The following OSMR variants were observed in gnomAD, a reference collection of about 807,000 sequenced individuals.
OSMR encodes the protein oncostatin-M-specific receptor subunit beta.
In OSMR, 81 loss-of-function variants were observed where a neutral mutation model predicts 99.9. The observed-to-expected ratio is 0.81, with a 90% confidence interval of 0.68 to 0.97. The LOEUF is 0.97. OSMR is among the 50% of genes least tolerant of loss of function. The pLI is 0.00. For synonymous variants in OSMR, 406 were observed against 410.4 expected (o/e 0.99, Z 0.13); for missense variants, 1,099 against 1,153.4 (o/e 0.95, Z 0.68).
At chr5:38,881,485 G>A (rs1362543892) in intron 3 of OSMR, 108 bp from the exon 4 acceptor site, 18 of 1,602,464 alleles carry the variant, frequency 1.1e-5, no homozygotes, top group South Asian at 1.0e-4. Flanking sequence ...GGCACATATC[G>A]TGGACCTGCA....
intron 1 of OSMR, among the ~76,000 whole-genome samples, chr5:38,865,875 G>A (rs1341274728): frequency 4.6e-5 from 7 of 152,248 alleles, no homozygotes; most frequent in African/African-American, 1.7e-4. Context: ...CAGCACACAT[G>A]AGTGCTGGTG....
At chr5:38,900,744 A>G (rs1744835701) in intron 7 of OSMR, among the ~76,000 whole-genome samples, 1 of 149,480 alleles carries the variant, frequency 6.7e-6, no homozygotes, top group South Asian at 2.1e-4. Context: ...GTTGCTGGAC[A>G]GATGTCCTTG....
intron 9 of OSMR, among the ~76,000 whole-genome samples, chr5:38,913,505 G>A (rs1745718986): frequency 6.6e-6 from 1 of 150,756 alleles, no homozygotes; most frequent in Non-Finnish European, 1.5e-5. Flanking sequence ...AGCAGAGGTC[G>A]TGCCACTGCA....
intron 2 of OSMR, among the ~76,000 whole-genome samples, chr5:38,874,328 A>T (rs1030294109): frequency 2.0e-5 from 3 of 152,180 alleles, no homozygotes; most frequent in Non-Finnish European, 4.4e-5. Flanking sequence ...GATTATAGTT[A>T]TCACCCTAGC....
intron 9 of OSMR, among the ~76,000 whole-genome samples, chr5:38,905,305 A>G (rs1002982202): frequency 6.6e-6 from 1 of 152,104 alleles, no homozygotes; most frequent in Non-Finnish European, 1.5e-5. Context: ...CCTGACCAAC[A>G]TGGTGAAACC....
chr5:38,911,445 C>T (rs1745575178), intron 9 of OSMR, among the ~76,000 whole-genome samples: 1 of 152,082 alleles, frequency 6.6e-6, no homozygotes, highest in Non-Finnish European at 1.5e-5. Flanking sequence ...CCAGAGAAAG[C>T]CCAGGACCAG....
intron 3 of OSMR, among the ~76,000 whole-genome samples, chr5:38,878,009 ACACC>A (rs1742976780): frequency 6.6e-6 from 1 of 152,118 alleles, no homozygotes; most frequent in East Asian, 1.9e-4. Flanking sequence ...TGTCCTCACA[ACACC>A]CAACCCAGCC....
At chr5:38,903,850 A>T (rs1561385976) in intron 7 of OSMR, 32 bp from the exon 8 acceptor site, 1 of 1,595,128 alleles carries the variant, frequency 6.3e-7, no homozygotes, top group Non-Finnish European at 8.6e-7. Flanking sequence ...CTATGCTTGA[A>T]TTTTTTTGTT....
chr5:38,882,898 G>A (rs148057492), intron 4 of OSMR, among the ~76,000 whole-genome samples: 269 of 152,274 alleles, frequency 1.8e-3, no homozygotes, highest in African/African-American at 4.5e-3. Flanking sequence ...AGGTCACCAC[G>A]CCACTAAGTG....
In OSMR at chr5:38,918,940, C is replaced by T. The variant is rs1746082773; in HGVS notation, c.1463C>T (p.Ala488Val). 1 of 1,614,144 alleles carries T rather than the reference C, an allele frequency of 6.2e-7. No homozygotes were observed. Among genetic ancestry groups the T allele is most frequent in the Non-Finnish European group, 8.5e-7 (1 of 1,179,984 alleles). Reference protein sequence around the residue: ...PSSSELHSIPAPANSTKLILD... With the variant: ...PSSSELHSIPVPANSTKLILD... Reference sequence around the variant, plus strand: ...AGTTCAGAGCTCCATTCCATTCCAGCACCAGCCAACAGCACAAAACTAATC... The same window carrying T: ...AGTTCAGAGCTCCATTCCATTCCAGTACCAGCCAACAGCACAAAACTAATC... The change falls in exon 11 of 18, where the codon GCA becomes GTA. Residue 488 changes from alanine to valine, a missense_variant. Coordinates refer to ENST00000274276, the MANE Select transcript of OSMR (RefSeq NM_003999.3).
chr5:38,850,223 C>T lies in OSMR; in HGVS notation c.-14+3836C>T, dbSNP rs114917847. Among the ~76,000 whole-genome samples the T allele has an allele frequency of 4.1e-3, 618 of 152,306 alleles. 6 individuals carry two copies. Among genetic ancestry groups the T allele is most frequent in the African/African-American group, 0.014 (579 of 41,556 alleles). On this transcript the variant is annotated intron_variant, in intron 1 of 17. Transcript: ENST00000274276. ...GACAAGCTACCAGGTGATGTCAATA[C>T]TGCTGGTCCTTTGTCCACATTTGGG...
intron 9 of OSMR, 32 bp from the exon 10 acceptor site, chr5:38,917,514 T>C (rs1745975959): frequency 1.2e-6 from 2 of 1,609,794 alleles, no homozygotes; most frequent in Admixed American, 1.7e-5. Flanking sequence ...ATACATATTG[T>C]GACTCAAGAA....
At chr5:38,916,226 A>G (rs1745889437) in intron 9 of OSMR, among the ~76,000 whole-genome samples, 1 of 152,244 alleles carries the variant, frequency 6.6e-6, no homozygotes, top group Admixed American at 6.5e-5. Flanking sequence ...ATTTTAAAAT[A>G]AATTGCAATG....
chr5:38,881,142 C>T (rs988663325), intron 3 of OSMR, among the ~76,000 whole-genome samples: 4 of 152,126 alleles, frequency 2.6e-5, no homozygotes, highest in Non-Finnish European at 5.9e-5. Flanking sequence ...TGAGATTTGA[C>T]CATCCTAATC....
At chr5:38,932,642 C>T in intron 17 of OSMR, 107 bp downstream of exon 17, 1 of 1,548,082 alleles carries the variant, frequency 6.5e-7, no homozygotes, top group Non-Finnish European at 8.8e-7. Flanking sequence ...AAATATAGCA[C>T]AGTAAAAGCC....
At position 38,881,688 on chromosome 5, in the gene OSMR, A is replaced by G; in HGVS notation, c.342A>G (p.Ile114Met). Reference protein sequence around the residue: ...PLECATHFVRIKSLVDDAKFP... With the variant: ...PLECATHFVRMKSLVDDAKFP... ...AATGTGCCACACACTTTGTAAGAATAAAGAGTTTGGTGGACGATGCCAAGT... is the reference window on the plus strand; with the variant it reads ...AATGTGCCACACACTTTGTAAGAATGAAGAGTTTGGTGGACGATGCCAAGT... Residue 114 changes from isoleucine to methionine, a missense_variant, in exon 4 of 18, where the codon ATA becomes ATG. Physicochemically the swap from Ile to Met is conservative, Grantham distance 10. Transcript: ENST00000274276. 6.2e-7 allele frequency: 1 copy of G among 1,614,232 alleles called. No individual in the cohort carries two copies. The highest frequency in any genetic ancestry group is 8.5e-7 in the Non-Finnish European group (1 of 1,180,036).
intron 5 of OSMR, 135 bp from the exon 6 acceptor site, chr5:38,885,214 A>G: frequency 6.6e-7 from 1 of 1,516,282 alleles, no homozygotes; most frequent in Non-Finnish European, 8.8e-7. Context: ...GGCTGTTGAT[A>G]GGTAGCCTTC....
chr5:38,849,422 A>C (rs1157332213), intron 1 of OSMR, among the ~76,000 whole-genome samples: 1 of 151,786 alleles, frequency 6.6e-6, no homozygotes, highest in Non-Finnish European at 1.5e-5. Flanking sequence ...TGTTTGTAAA[A>C]GGGTCTGTGT....
At chr5:38,905,818 G>C (rs1017355402) in intron 9 of OSMR, among the ~76,000 whole-genome samples, 1 of 152,188 alleles carries the variant, frequency 6.6e-6, no homozygotes, top group African/African-American at 2.4e-5. Context: ...CCAAAGGAAG[G>C]ATTATACATA....
Sources: allele counts gnomAD v4.1 joint callset (sites outside exome capture counted in the v4.1 genomes callset), GRCh38; gene constraint gnomAD v4.1.1; transcripts MANE v1.5; gene names NCBI Gene and HGNC (gene_info 2026-07-23, HGNC 2026-07-21).